Variants in AHCYL2 observed in about 807,000 individuals in gnomAD.
AHCYL2 encodes the protein S-adenosylhomocysteine hydrolase-like protein 2.
A neutral mutation model predicts 81.4 loss-of-function variants in AHCYL2; 28 were observed. That is an observed-to-expected ratio of 0.34 (90% CI 0.25 to 0.47). The LOEUF is 0.47. Ranked by LOEUF, AHCYL2 falls within the 20% of genes least tolerant of loss-of-function variation. The pLI is 1.00. For synonymous variants in AHCYL2, 272 were observed against 290.2 expected, an observed-to-expected ratio of 0.94 and a Z score of 0.64; for missense variants, 551 against 785.1, an observed-to-expected ratio of 0.70 and a Z score of 3.56.
intron 1 of AHCYL2, among the ~76,000 whole-genome samples, chr7:129,227,288 C>T (rs1020661113): frequency 7.2e-5 from 11 of 151,846 alleles, no homozygotes; most frequent in African/African-American, 2.7e-4. Context: ...TGCAAGCCCC[C>T]ATGACCACCT....
intron 1 of AHCYL2, chr7:129,375,812 G>A (rs1477613976): frequency 1.3e-6 from 2 of 1,533,814 alleles, no homozygotes; most frequent in African/African-American, 2.7e-5. Flanking sequence ...AAAGTTTAAA[G>A]GCCTGATCAC....
chr7:129,400,514 G>A, intron 6 of AHCYL2, 130 bp downstream of exon 6: 2 of 746,788 alleles, frequency 2.7e-6, no homozygotes, highest in Non-Finnish European at 4.3e-6. Flanking sequence ...ATATACCTGG[G>A]TTTCCAGCAG....
chr7:129,311,005 G>A (rs1797636349), intron 1 of AHCYL2, among the ~76,000 whole-genome samples: 1 of 151,908 alleles, frequency 6.6e-6, no homozygotes, highest in Non-Finnish European at 1.5e-5. Context: ...CTACTCAGGA[G>A]GCTGAGGCTA....
intron 1 of AHCYL2, among the ~76,000 whole-genome samples, chr7:129,300,486 T>A (rs1054245010): frequency 6.6e-6 from 1 of 152,248 alleles, no homozygotes; most frequent in Non-Finnish European, 1.5e-5. Flanking sequence ...CATTCTTTTT[T>A]ATGGCTGAAT....
At chr7:129,236,172 G>T (rs71577839) in intron 1 of AHCYL2, among the ~76,000 whole-genome samples, 3,721 of 151,488 alleles carry the variant, frequency 0.025, 75 homozygotes, top group Admixed American at 0.057. Context: ...ACAGGTACAC[G>T]CTGCCACGCC....
In AHCYL2 at chr7:129,267,368, G is replaced by C. The variant is rs1795850701; in HGVS notation, c.363+41929G>C. ...CGCCCAGGCTGGAGTGCAGTGGCGT[G>C]ATCTCATCTCACTGCAAACTCCACC... On this transcript the variant is annotated intron_variant, in intron 1 of 16. Coordinates refer to ENST00000325006, the MANE Select transcript of AHCYL2 (RefSeq NM_015328.4). Among the ~76,000 whole-genome samples the C allele has an allele frequency of 2.0e-5, 3 of 151,874 alleles. No homozygotes were observed. The South Asian group carries it at 6.2e-4, about 32-fold the overall frequency.
rs867158432 is a variant in AHCYL2 at position 129,399,540 on chromosome 7, G to A, written c.824-750G>A. Among the ~76,000 whole-genome samples the A allele has an allele frequency of 6.1e-4, 93 of 152,210 alleles. 1 individual carries two copies. The highest frequency in any genetic ancestry group is 3.4e-3 in the Middle Eastern group (1 of 294). On this transcript the variant is annotated intron_variant, in intron 5 of 16. Transcript: ENST00000325006. The stretch of plus-strand genomic sequence containing the variant: ...CATTAGGAACATGACACTTAACTGG[G>A]CTATGAATTCTAGTAACGTTTTAGC...
At chr7:129,400,414 G>T (rs1431566886) in intron 6 of AHCYL2, 30 bp downstream of exon 6, 1 of 1,603,342 alleles carries the variant, frequency 6.2e-7, no homozygotes, top group Non-Finnish European at 8.5e-7. Flanking sequence ...ACACAATTCT[G>T]TAGGGGTCAG....
intron 6 of AHCYL2, among the ~76,000 whole-genome samples, chr7:129,400,726 A>G (rs1048322168): frequency 6.6e-6 from 1 of 152,164 alleles, no homozygotes; most frequent in Admixed American, 6.5e-5. Flanking sequence ...CACCCCTTAC[A>G]ACAACCAAAA....
At chr7:129,231,342 A>G (rs1338283712) in intron 1 of AHCYL2, among the ~76,000 whole-genome samples, 1 of 152,214 alleles carries the variant, frequency 6.6e-6, no homozygotes, top group Non-Finnish European at 1.5e-5. Context: ...AGTACTACCT[A>G]CATTCTCAGT....
At chr7:129,225,552 A>C (rs941034303) in intron 1 of AHCYL2, 113 bp downstream of exon 1, 2 of 1,386,502 alleles carry the variant, frequency 1.4e-6, no homozygotes, top group African/African-American at 3.0e-5. Context: ...GCAGGACCGG[A>C]GATACCCCTT....
chr7:129,323,932 G>A (rs1028409013), intron 1 of AHCYL2, among the ~76,000 whole-genome samples: 4 of 148,378 alleles, frequency 2.7e-5, no homozygotes, highest in Admixed American at 6.8e-5. Context: ...GTGCAATGGC[G>A]AGATCTCAGC....
At chr7:129,401,742 A>C (rs917784809) in intron 6 of AHCYL2, among the ~76,000 whole-genome samples, 1 of 152,200 alleles carries the variant, frequency 6.6e-6, no homozygotes, top group Non-Finnish European at 1.5e-5. Flanking sequence ...CTGGGAATAA[A>C]ACATTGATTT....
At chr7:129,361,863 A>G (rs1793941792) in intron 1 of AHCYL2, among the ~76,000 whole-genome samples, 1 of 151,942 alleles carries the variant, frequency 6.6e-6, no homozygotes, top group Admixed American at 6.6e-5. Flanking sequence ...TTTAAATAGC[A>G]CTAATAAGTT....
intron 1 of AHCYL2, among the ~76,000 whole-genome samples, chr7:129,254,452 T>A (rs1337683119): frequency 6.6e-6 from 1 of 152,210 alleles, no homozygotes; most frequent in Admixed American, 6.5e-5. Flanking sequence ...TAGTACAACA[T>A]GTTAATTTTA....
At chr7:129,277,363 C>T (rs921584797) in intron 1 of AHCYL2, among the ~76,000 whole-genome samples, 4 of 151,494 alleles carry the variant, frequency 2.6e-5, no homozygotes, top group Non-Finnish European at 4.4e-5. Flanking sequence ...CTGCAACCTC[C>T]GCCTCCTGGG....
At chr7:129,307,814 G>A (rs1407811519) in intron 1 of AHCYL2, among the ~76,000 whole-genome samples, 1 of 151,826 alleles carries the variant, frequency 6.6e-6, no homozygotes, top group Non-Finnish European at 1.5e-5. Context: ...GGGCTGTTTA[G>A]TCAGCAGGTG....
chr7:129,357,634 T>C (rs1051456761), intron 1 of AHCYL2, among the ~76,000 whole-genome samples: 1 of 152,060 alleles, frequency 6.6e-6, no homozygotes, highest in Non-Finnish European at 1.5e-5. Context: ...CCAATAAGCA[T>C]ATAAAAATGT....
chr7:129,242,348 T>C (rs1177851698), intron 1 of AHCYL2, among the ~76,000 whole-genome samples: 1 of 151,198 alleles, frequency 6.6e-6, no homozygotes. Context: ...TTTTTTTAAC[T>C]GAAATGAACA....
Sources: allele counts gnomAD v4.1 joint callset (sites outside exome capture counted in the v4.1 genomes callset), GRCh38; gene constraint gnomAD v4.1.1; transcripts MANE v1.5; gene names NCBI Gene and HGNC (gene_info 2026-07-23, HGNC 2026-07-21).